NOP14: variants seen among roughly 807,000 people sequenced by gnomAD.
The protein encoded by NOP14 is NOP14 nucleolar protein.
Under a neutral mutation model 101.6 loss-of-function variants are expected in NOP14, and 57 were observed. The ratio of observed to expected loss-of-function variants is 0.56; its 90% CI spans 0.45 to 0.70. The LOEUF is 0.70. Ranked by LOEUF, NOP14 falls within the 30% of genes least tolerant of loss-of-function variation. The probability of loss-of-function intolerance (pLI) is 0.00; values close to 1 mark genes in which losing one functional copy is unlikely to be tolerated. For synonymous variants in NOP14, 428 were observed against 424.0 expected, an observed-to-expected ratio of 1.01 and a Z score of -0.12; for missense variants, 1,134 against 1,075.5, an observed-to-expected ratio of 1.05 and a Z score of -0.76.
chr4:2,959,368 G>A (rs914342050), intron 1 of NOP14, among the ~76,000 whole-genome samples: 15 of 152,200 alleles, frequency 9.9e-5, no homozygotes, highest in South Asian at 2.1e-4. Flanking sequence ...CAAGGCGGGC[G>A]GATCACGAGG....
At position 2,938,912 on chromosome 4, in the gene NOP14, C is replaced by T. The variant is rs768787894; in HGVS notation, c.2493G>A (p.Arg831=). 12 of 1,614,152 alleles carry T rather than the reference C, an allele frequency of 7.4e-6. No individual in the cohort carries two copies. The highest frequency in any genetic ancestry group is 1.0e-5 in the Non-Finnish European group (12 of 1,179,992). ...EIMERDAERK[R]KVKQLFNSLA... ...GGCTGTTAAAAAGCTGCTTTACTTT[C>T]CGCTTTCTTTCCGCATCCCTAAAAG... The change falls in exon 18 of 18, where the codon CGG becomes CGA. Residue 831 remains arginine (R), a synonymous_variant. Coordinates refer to ENST00000416614, the MANE Select transcript of NOP14 (RefSeq NM_001291978.2).
At chr4:2,942,436 T>A in intron 13 of NOP14, 85 bp from the exon 14 acceptor site, 1 of 1,390,914 alleles carries the variant, frequency 7.2e-7, no homozygotes, top group Non-Finnish European at 1.0e-6. Flanking sequence ...CTGTGGAAGT[T>A]CACCCTCTAA....
In NOP14 at chr4:2,948,346, A is replaced by G; in HGVS notation, c.1345T>C (p.Leu449=). 1 of 1,612,166 alleles carries G rather than the reference A, an allele frequency of 6.2e-7. No homozygotes were observed. Among genetic ancestry groups the G allele is most frequent in the South Asian group, 1.1e-5 (1 of 90,826 alleles). Residue 449 remains leucine, a synonymous_variant, in exon 9 of 18, where the codon TTG becomes CTG. Transcript: ENST00000416614. ...CACTTCTGAATTCTCTCCACCACCA[A>G]AAGCTGCTCTTCCATCGATCTTCCT... ...LLGRSMEEQL[L]VVERIQKCNH...
intron 7 of NOP14, chr4:2,950,594 T>A (rs955548087): frequency 3.1e-5 from 8 of 259,878 alleles, no homozygotes; most frequent in Non-Finnish European, 5.2e-5. Context: ...TTTTCCTGTG[T>A]GGATCTCTTC....
At chr4:2,941,483 A>T in intron 15 of NOP14, 99 bp downstream of exon 15, 1 of 1,117,678 alleles carries the variant, frequency 8.9e-7, no homozygotes, top group Non-Finnish European at 1.3e-6. Flanking sequence ...GTGTTGACTT[A>T]CAGCTGCAGC....
chr4:2,951,665 A>C (rs912762417), intron 6 of NOP14, among the ~76,000 whole-genome samples: 2 of 152,188 alleles, frequency 1.3e-5, no homozygotes. Context: ...TGGTTATGTC[A>C]AAACAGCCAG....
At chr4:2,947,808 G>C (rs1215790635) in intron 9 of NOP14, 197 bp from the exon 10 acceptor site, 1 of 605,198 alleles carries the variant, frequency 1.7e-6, no homozygotes, top group Non-Finnish European at 2.9e-6. Flanking sequence ...AAGGTGTAGG[G>C]GGGAGAAAGC....
chr4:2,960,676 T>TATTAATATTATAATTACATTAATATCAA (rs1553864549), intron 1 of NOP14, among the ~76,000 whole-genome samples: 1 of 94,814 alleles, frequency 1.1e-5, no homozygotes, highest in African/African-American at 4.3e-5. Context: ...TATATTAATA[T>TATTAATATTATAATTACATTAATATCAA]TATATTAATA....
chr4:2,945,289 C>T, intron 11 of NOP14, 60 bp from the exon 12 acceptor site: 1 of 1,243,038 alleles, frequency 8.0e-7, no homozygotes, highest in Non-Finnish European at 1.2e-6. Context: ...CATATGCCCT[C>T]CCCGCAAACA....
rs1191089273 is a variant in NOP14, at chr4:2,946,450, C to T, written c.1597G>A (p.Glu533Lys). Residue 533 changes from glutamate to lysine, a missense_variant, in exon 11 of 18, where the codon GAG becomes AAG. Glu to Lys is a moderately conservative substitution (Grantham distance 56, BLOSUM62 1). Transcript: ENST00000416614. ...DAMHEMEEMIETKGRAALPGL... is the reference protein window; with the variant it reads ...DAMHEMEEMIKTKGRAALPGL... The stretch of plus-strand genomic sequence containing the variant: ...GGCAATGCCGCCCGGCCTTTGGTCT[C>T]AATCATTTCTTCCATCTCATGCATC... The T allele has an allele frequency of 1.2e-6, 2 of 1,614,274 alleles. No individual in the cohort carries two copies. The highest frequency in any genetic ancestry group is 2.7e-5 in the African/African-American group (2 of 75,070).
At chr4:2,949,265 G>A (rs1352019923) in intron 8 of NOP14, among the ~76,000 whole-genome samples, 1 of 152,180 alleles carries the variant, frequency 6.6e-6, no homozygotes, top group Admixed American at 6.5e-5. Flanking sequence ...GTGCAGTGGT[G>A]TAATCTCGGC....
intron 10 of NOP14, 128 bp downstream of exon 10, chr4:2,947,398 C>T (rs1469109362): frequency 5.7e-6 from 4 of 702,748 alleles, no homozygotes; most frequent in African/African-American, 1.8e-5. Context: ...ACCACCTGCC[C>T]ACTTGGCATG....
In NOP14 at chr4:2,942,429, TG is replaced by T. The variant is rs1714279970; in HGVS notation, c.1892-79del. ...AGCAGGCTCTGCGGCACCGAGCCTG[TG>T]GAAGTTCACCCTCTAACAGACGCAC... On this transcript the variant is annotated intron_variant, in intron 13 of 17. Coordinates refer to ENST00000416614, the MANE Select transcript of NOP14 (RefSeq NM_001291978.2). 4 of 1,431,914 alleles carry T rather than the reference TG, an allele frequency of 2.8e-6. No individual in the cohort carries two copies. The South Asian group carries it at 5.0e-5, about 18-fold the overall frequency. The allele number at this position is 1,431,914 out of a possible 1,614,324, so 88.7% of individuals were successfully genotyped here. A position where few individuals can be genotyped will look rare whatever the true frequency, so the allele number is the denominator to read the frequency against.
intron 13 of NOP14, among the ~76,000 whole-genome samples, chr4:2,943,064 G>A (rs562063030): frequency 1.3e-5 from 2 of 152,174 alleles, no homozygotes; most frequent in African/African-American, 4.8e-5. Flanking sequence ...CCCTTCACAC[G>A]TGGGACTGCA....
At chr4:2,961,369 G>A (rs1486226683) in intron 1 of NOP14, 1 of 55,504 alleles carries the variant, frequency 1.8e-5, no homozygotes, top group Non-Finnish European at 4.7e-5. Flanking sequence ...AGGAAACTGA[G>A]GCACAGCTAT....
In NOP14 at chr4:2,938,787, T is replaced by A; in HGVS notation, c.*44A>T. 6.7e-7 allele frequency: 1 copy of A among 1,497,630 alleles called. No individual in the cohort carries two copies. Among genetic ancestry groups the A allele is most frequent in the Non-Finnish European group, 9.3e-7 (1 of 1,077,900 alleles). 92.8% of individuals were successfully genotyped at this position (1,497,630 alleles called of 1,614,324 possible). A position where few individuals can be genotyped will look rare whatever the true frequency, so the allele number is the denominator to read the frequency against. On this transcript the variant is annotated 3_prime_UTR_variant, in exon 18 of 18. Transcript: ENST00000416614. ...CCTCCCAGAGGGTTGGAATTGCAGA[T>A]GTGAGGTAATGTCCAGTTCCTTGCC...
chr4:2,944,344 A>G, intron 12 of NOP14, 118 bp from the exon 13 acceptor site: 1 of 749,730 alleles, frequency 1.3e-6, no homozygotes, highest in Non-Finnish European at 2.2e-6. Flanking sequence ...TACAGAGGGA[A>G]CCCCCGCACC....
At chr4:2,950,321 G>T (rs1462419048) in intron 7 of NOP14, 108 bp from the exon 8 acceptor site, 12 of 1,203,412 alleles carry the variant, frequency 1.0e-5, no homozygotes. Context: ...CTACGTGGTT[G>T]CAAGGAACAC....
chr4:2,942,277 CAT>C lies in NOP14; in HGVS notation c.1964_1965del (p.Asp655GlyfsTer16). 1 of 1,614,180 alleles carries C rather than the reference CAT, an allele frequency of 6.2e-7. No homozygotes were observed. Among genetic ancestry groups the C allele is most frequent in the Non-Finnish European group, 8.5e-7 (1 of 1,180,038 alleles). ...AGGCTGCTCTGCTGCCACGTGGCCA[CAT>C]CCTCTCTAGCAGACACCACGAGCAG... is the stretch of plus-strand genomic sequence containing the variant. ...SELLVVSARE[D>X]VATWQQSSLS... is the part of the protein sequence containing the mutation. On this transcript the variant is annotated frameshift_variant, in exon 14 of 18. Transcript: ENST00000416614. LOFTEE classifies it high-confidence loss of function.
Sources: allele counts gnomAD v4.1 joint callset (sites outside exome capture counted in the v4.1 genomes callset), GRCh38; gene constraint gnomAD v4.1.1; transcripts MANE v1.5; gene names NCBI Gene and HGNC (gene_info 2026-07-23, HGNC 2026-07-21).